Variants in PLCXD1 observed in about 807,000 individuals in gnomAD.
The protein encoded by PLCXD1 is phosphatidylinositol specific phospholipase C X domain containing 1.
PLCXD1 carries 45 observed loss-of-function variants against 37.8 expected under a neutral mutation model. The observed-to-expected ratio is 1.19, with a 90% confidence interval of 0.94 to 1.53. The LOEUF is 1.53. PLCXD1 is among the 40% of genes most tolerant of loss of function. The pLI is 0.00. For missense variants in PLCXD1, 539 were observed against 454.7 expected, an observed-to-expected ratio of 1.19 and a Z score of -1.69; for synonymous variants, 246 against 206.9, an observed-to-expected ratio of 1.19 and a Z score of -1.62.
chrX:276,409 C>A (rs889640502), upstream of PLCXD1: 1 of 152,312 alleles, frequency 6.6e-6, no homozygotes, highest in Non-Finnish European at 1.5e-5. Context: ...GTGTGTCTAC[C>A]CCGTTCTCCT....
At chrX:292,040 G>A (rs1182821461) in intron 5 of PLCXD1, among the ~76,000 whole-genome samples, 7 of 151,996 alleles carry the variant, frequency 4.6e-5, no homozygotes, top group South Asian at 4.2e-4. Context: ...GGTGGCTCAC[G>A]CTTGTCATCC....
At chrX:291,464 T>A in intron 4 of PLCXD1, 35 bp from the exon 5 acceptor site, 1 of 1,607,182 alleles carries the variant, frequency 6.2e-7, no homozygotes, top group South Asian at 1.1e-5. Context: ...GGTGTTGGAG[T>A]CGTGCAGGAC....
chrX:285,189 T>C (rs1421904643), intron 2 of PLCXD1, among the ~76,000 whole-genome samples: 3 of 151,922 alleles, frequency 2.0e-5, no homozygotes, highest in African/African-American at 7.3e-5. Context: ...TGCATATACA[T>C]GCACACACAC....
chrX:293,638 G>A lies in PLCXD1; in HGVS notation c.733+420G>A, dbSNP rs990209136. Among the ~76,000 whole-genome samples the A allele has an allele frequency of 2.0e-4, 30 of 152,286 alleles. No homozygotes were observed. In the East Asian group the frequency reaches 3.1e-3, roughly 16 times the overall value. On this transcript the variant is annotated intron_variant, in intron 6 of 6. Transcript: ENST00000381657. ...GAGAAAGCAGTCCATGTACATTGGC[G>A]GGGGGAGGGATCAACAAGGTGTGGT... is the stretch of plus-strand genomic sequence containing the variant.
chrX:288,649 C>A, intron 2 of PLCXD1, 84 bp from the exon 3 acceptor site: 1 of 1,445,872 alleles, frequency 6.9e-7, no homozygotes, highest in Non-Finnish European at 9.7e-7. Context: ...GCAGCCTGTG[C>A]TGTAGGCGGG....
At chrX:285,115 CACAT>C (rs1356522856) in intron 2 of PLCXD1, among the ~76,000 whole-genome samples, 13 of 114,884 alleles carry the variant, frequency 1.1e-4, no homozygotes, top group African/African-American at 2.5e-4. Context: ...CATACACACA[CACAT>C]GCATGCGCAC....
chrX:295,095 G>A (rs762949939), intron 6 of PLCXD1, among the ~76,000 whole-genome samples: 9 of 151,312 alleles, frequency 5.9e-5, no homozygotes, highest in Admixed American at 2.0e-4. Flanking sequence ...GCTTGAACCC[G>A]GGGGCGGAGG....
In PLCXD1 at chrX:287,555, G is replaced by A. The variant is rs1309916296; in HGVS notation, c.128-1178G>A. Among the ~76,000 whole-genome samples the A allele has an allele frequency of 6.8e-5, 6 of 88,856 alleles. No homozygotes were observed. The East Asian group carries it at 1.4e-3, about 20-fold the overall frequency. 58.3% of individuals were successfully genotyped at this position (88,856 alleles called of 152,430 possible). A position where few individuals can be genotyped will look rare whatever the true frequency, so the allele number is the denominator to read the frequency against. ...CTATATATGTTTATATATAGATATA[G>A]ATACTATATATGTTTATATATAGAT... On this transcript the variant is annotated intron_variant, in intron 2 of 6. Transcript: ENST00000381657.
intron 2 of PLCXD1, among the ~76,000 whole-genome samples, chrX:288,237 G>C (rs1022389720): frequency 6.6e-6 from 1 of 152,066 alleles, no homozygotes; most frequent in African/African-American, 2.4e-5. Context: ...GTTCTGGGCA[G>C]GGGGTTAGGA....
rs919799559 is a variant in PLCXD1, at chrX:294,994, C to T, written c.733+1776C>T. ...AGTTTGCGACCAGTCTGGTGAAACC[C>T]CATCTCTAGTAAAAATACAAAAAGA... On this transcript the variant is annotated intron_variant, in intron 6 of 6. Coordinates refer to ENST00000381657, the MANE Select transcript of PLCXD1 (RefSeq NM_018390.4). Among the ~76,000 whole-genome samples the T allele has an allele frequency of 4.6e-5, 7 of 151,982 alleles. No homozygotes were observed. The South Asian group carries it at 8.3e-4, about 18-fold the overall frequency.
At chrX:285,519 G>A (rs938866299) in intron 2 of PLCXD1, among the ~76,000 whole-genome samples, 3 of 151,296 alleles carry the variant, frequency 2.0e-5, no homozygotes, top group African/African-American at 7.3e-5. Context: ...ATGTATACAC[G>A]TGTACACACG....
chrX:290,754 T>C lies in PLCXD1; in HGVS notation c.371T>C (p.Val124Ala). Residue 124 changes from valine to alanine, a missense_variant, in exon 4 of 7, where the codon GTG (valine) becomes GCG (alanine). Val to Ala is a moderately conservative substitution (Grantham distance 64). Coordinates refer to ENST00000381657, the MANE Select transcript of PLCXD1 (RefSeq NM_018390.4). ...AAGAACCTGCACTTTGTCCATATGG[T>C]GTACACAACGGCGCTGGTGGAGGTG... Reference protein sequence around the residue: ...SEKNLHFVHMVYTTALVEDTL... With the variant: ...SEKNLHFVHMAYTTALVEDTL... 1 of 1,610,784 alleles carries C rather than the reference T, an allele frequency of 6.2e-7. No individual in the cohort carries two copies. The highest frequency in any genetic ancestry group is 1.7e-4 in the Middle Eastern group (1 of 5,998).
At chrX:279,713 G>A (rs2069221843), upstream of PLCXD1, among the ~76,000 whole-genome samples, 1 of 151,434 alleles carries the variant, frequency 6.6e-6, no homozygotes, top group Non-Finnish European at 1.5e-5. Flanking sequence ...GGCGGAGGCT[G>A]CAGTAAGCTG....
At position 301,726 on chromosome X, in the gene PLCXD1, A is replaced by C. The variant is rs964440275; in HGVS notation, c.*2391A>C. On this transcript the variant is annotated 3_prime_UTR_variant, in exon 7 of 7. Coordinates refer to ENST00000381657, the MANE Select transcript of PLCXD1 (RefSeq NM_018390.4). The stretch of plus-strand genomic sequence containing the variant: ...CTGCAACCTCTGCCTCCCAGGTTCA[A>C]GCAATTCTTGTGCCTCAGCCTCCTG... 6.6e-6 allele frequency: 1 copy of C among 152,266 alleles called. No individual in the cohort carries two copies. The highest frequency in any genetic ancestry group is 1.5e-5 in the Non-Finnish European group (1 of 68,080). 9.4% of individuals were successfully genotyped at this position (152,266 alleles called of 1,614,324 possible).
chrX:284,579 TACATGCACACACGCAC>T (rs979904528), intron 2 of PLCXD1, among the ~76,000 whole-genome samples: 6 of 105,204 alleles, frequency 5.7e-5, no homozygotes, highest in Admixed American at 4.7e-4. Flanking sequence ...TACACAGGCA[TACATGCACACACGCAC>T]ACACGCACAC....
At chrX:284,019 T>TGACAGGTGC in intron 1 of PLCXD1, 148 bp from the exon 2 acceptor site, 1 of 642,924 alleles carries the variant, frequency 1.6e-6, no homozygotes, top group South Asian at 1.8e-5. Context: ...GTAGCTGGGA[T>TGACAGGTGC]GACAGGTGCC....
In PLCXD1 at chrX:301,377, C is replaced by G. The variant is rs908540732; in HGVS notation, c.*2042C>G. On this transcript the variant is annotated 3_prime_UTR_variant, in exon 7 of 7. Coordinates refer to ENST00000381657, the MANE Select transcript of PLCXD1 (RefSeq NM_018390.4). ...CAGGGTGGTCTCAAACTCCTGGGCT[C>G]AACTGATCCTCCCACCTCAACCTCT... The G allele has an allele frequency of 4.6e-5, 7 of 152,092 alleles. No individual in the cohort carries two copies. The highest frequency in any genetic ancestry group is 7.3e-5 in the Non-Finnish European group (5 of 68,084). 9.4% of individuals were successfully genotyped at this position (152,092 alleles called of 1,614,324 possible). A position where few individuals can be genotyped will look rare whatever the true frequency, so the allele number is the denominator to read the frequency against.
At chrX:296,728 G>C (rs181546526) in intron 6 of PLCXD1, among the ~76,000 whole-genome samples, 8 of 152,254 alleles carry the variant, frequency 5.3e-5, no homozygotes, top group African/African-American at 1.9e-4. Context: ...CATTCTTCCT[G>C]TCTATCACAT....
intron 6 of PLCXD1, among the ~76,000 whole-genome samples, chrX:294,280 A>G (rs907843860): frequency 1.3e-5 from 2 of 152,014 alleles, no homozygotes; most frequent in Non-Finnish European, 2.9e-5. Context: ...CAGGAGATCG[A>G]GACCATCCCG....
Sources: gnomAD v4.1 joint callset for allele counts (sites outside exome capture counted in the v4.1 genomes callset) on GRCh38, gnomAD v4.1.1 for gene constraint, MANE v1.5 for transcripts, NCBI Gene and HGNC (gene_info 2026-07-23, HGNC 2026-07-21) for gene names.